The following PRKAR2A variants were observed in gnomAD, a reference collection of about 807,000 sequenced individuals.
PRKAR2A encodes the protein cAMP-dependent protein kinase type II-alpha regulatory subunit.
In PRKAR2A, 29 loss-of-function variants were observed where a neutral mutation model predicts 51.9. The observed-to-expected ratio is 0.56, with a 90% CI of 0.42 to 0.76. The LOEUF (loss-of-function observed/expected upper bound fraction) is 0.76, where lower values mean the gene tolerates loss of function less well. PRKAR2A is among the 30% of genes least tolerant of loss of function. PRKAR2A has a pLI of 0.00. For missense variants in PRKAR2A, 445 were observed against 512.1 expected (o/e 0.87, Z 1.26); for synonymous variants, 178 against 186.2 (o/e 0.96, Z 0.36).
intron 9 of PRKAR2A, among the ~76,000 whole-genome samples, chr3:48,754,241 C>CTT (rs1195616357): frequency 4.0e-5 from 5 of 125,186 alleles, no homozygotes; most frequent in African/African-American, 1.2e-4. Context: ...CTACTTTTTT[C>CTT]TTTTTTTTTT....
At chr3:48,826,435 C>T (rs1400528537) in intron 1 of PRKAR2A, among the ~76,000 whole-genome samples, 1 of 152,178 alleles carries the variant, frequency 6.6e-6, no homozygotes, top group African/African-American at 2.4e-5. Flanking sequence ...TGAACACAAA[C>T]TTCTGTCCCC....
At chr3:48,784,542 A>T (rs2082255830) in intron 4 of PRKAR2A, among the ~76,000 whole-genome samples, 1 of 152,204 alleles carries the variant, frequency 6.6e-6, no homozygotes, top group South Asian at 2.1e-4. Flanking sequence ...AAACACAGAC[A>T]TCTGTACCTA....
At position 48,790,116 on chromosome 3, in the gene PRKAR2A, T is replaced by C. The variant is rs550780628; in HGVS notation, c.435+428A>G. On this transcript the variant is annotated intron_variant, in intron 4 of 10. Coordinates refer to ENST00000265563, the MANE Select transcript of PRKAR2A (RefSeq NM_004157.4). ...TGAGTACTGCTATATGGTGACTAAG[T>C]GACTAATGGGCAGGTGGCATATATG... Among the ~76,000 whole-genome samples, 3 of 152,124 alleles carry C rather than the reference T, an allele frequency of 2.0e-5. No homozygotes were observed. In the East Asian group the frequency reaches 5.8e-4, roughly 29 times the overall value.
rs1052891600 is a variant in PRKAR2A at position 48,825,460 on chromosome 3, A to G, written c.263-17776T>C. On this transcript the variant is annotated intron_variant, in intron 1 of 10. Transcript: ENST00000265563. ...TTTCCTGCTACCTTTTGTTGAGTAC[A>G]GACCCTGGCACACATAGACATTAAA... 2.6e-5 allele frequency among the ~76,000 whole-genome samples: 4 copies of G among 152,148 alleles called. No homozygotes were observed. The East Asian group carries it at 7.7e-4, about 29-fold the overall frequency.
intron 1 of PRKAR2A, among the ~76,000 whole-genome samples, chr3:48,824,542 TAAGAAAGAAAGAAAGAAAGA>T (rs200913812): frequency 0.051 from 6,275 of 123,954 alleles, 203 homozygotes; most frequent in African/African-American, 0.076. Flanking sequence ...TCCAAAATCA[TAAGAAAGAAAGAAAGAAAGA>T]AAGAAAGAAA....
chr3:48,822,723 TG>T (rs1441552981), intron 1 of PRKAR2A, among the ~76,000 whole-genome samples: 5 of 151,098 alleles, frequency 3.3e-5, no homozygotes, highest in African/African-American at 9.7e-5. Flanking sequence ...CCCAGGATGT[TG>T]TTTTTTTTTT....
chr3:48,821,636 G>C (rs1316873384), intron 1 of PRKAR2A, among the ~76,000 whole-genome samples: 2 of 152,196 alleles, frequency 1.3e-5, no homozygotes, highest in South Asian at 2.1e-4. Flanking sequence ...ATGGAAACAG[G>C]ACCAGGCACA....
intron 1 of PRKAR2A, among the ~76,000 whole-genome samples, chr3:48,839,053 C>T (rs1440173188): frequency 2.6e-5 from 4 of 151,938 alleles, no homozygotes; most frequent in South Asian, 2.1e-4. Flanking sequence ...TTTGGGAGGC[C>T]GAGGCAGACA....
intron 9 of PRKAR2A, among the ~76,000 whole-genome samples, chr3:48,752,587 G>C (rs1237708803): frequency 6.6e-6 from 1 of 152,130 alleles, no homozygotes; most frequent in Non-Finnish European, 1.5e-5. Flanking sequence ...GCCCAATCTT[G>C]TCTAAATAAG....
At chr3:48,834,796 T>C (rs1389243347) in intron 1 of PRKAR2A, among the ~76,000 whole-genome samples, 2 of 148,680 alleles carry the variant, frequency 1.3e-5, no homozygotes, top group East Asian at 1.9e-4. Flanking sequence ...TCACTTATCA[T>C]ATAAGGAACG....
rs902826423 is a variant in PRKAR2A at position 48,751,513 on chromosome 3, T to C, written c.*72A>G. The C allele has an allele frequency of 8.0e-5, 128 of 1,593,958 alleles. 3 individuals carry two copies. The highest frequency in any genetic ancestry group is 1.0e-4 in the Non-Finnish European group (119 of 1,166,206). On this transcript the variant is annotated 3_prime_UTR_variant, in exon 11 of 11. Coordinates refer to ENST00000265563, the MANE Select transcript of PRKAR2A (RefSeq NM_004157.4). ...GCAGGAACAGTTCTGTCATGTCTGT[T>C]TTCTGTATGTGTTCTGTGGCTGACC... is the stretch of plus-strand genomic sequence containing the variant.
At chr3:48,801,461 G>A (rs1333854286) in intron 2 of PRKAR2A, among the ~76,000 whole-genome samples, 1 of 151,894 alleles carries the variant, frequency 6.6e-6, no homozygotes, top group Non-Finnish European at 1.5e-5. Context: ...CCAAATTTTT[G>A]TATTTTTAGT....
chr3:48,801,720 C>T (rs1156450679), intron 2 of PRKAR2A, among the ~76,000 whole-genome samples: 5 of 152,252 alleles, frequency 3.3e-5, no homozygotes, highest in East Asian at 1.9e-4. Flanking sequence ...GCCTCAGCCA[C>T]GCCCAGCTAA....
chr3:48,823,326 G>A (rs982023335), intron 1 of PRKAR2A, among the ~76,000 whole-genome samples: 1 of 151,894 alleles, frequency 6.6e-6, no homozygotes, highest in African/African-American at 2.4e-5. Context: ...GTGTCGGGGG[G>A]GTGCTGTCTT....
intron 8 of PRKAR2A, among the ~76,000 whole-genome samples, chr3:48,757,252 T>A (rs1156367184): frequency 3.3e-5 from 5 of 152,200 alleles, no homozygotes; most frequent in African/African-American, 1.2e-4. Flanking sequence ...GCTTGAGCCC[T>A]TTTTGTTTAG....
intron 1 of PRKAR2A, among the ~76,000 whole-genome samples, chr3:48,816,646 A>C (rs1350245292): frequency 6.6e-6 from 1 of 152,116 alleles, no homozygotes; most frequent in Non-Finnish European, 1.5e-5. Context: ...CAAAAAAAAG[A>C]AAAAATTTAC....
chr3:48,829,847 G>A (rs867826754), intron 1 of PRKAR2A, among the ~76,000 whole-genome samples: 2 of 63,754 alleles, frequency 3.1e-5, no homozygotes, highest in African/African-American at 6.5e-5. Context: ...ATGCGTGTGT[G>A]TATATATATA....
At chr3:48,844,098 G>A (rs1366924298) in intron 1 of PRKAR2A, among the ~76,000 whole-genome samples, 2 of 151,842 alleles carry the variant, frequency 1.3e-5, no homozygotes, top group Non-Finnish European at 2.9e-5. Flanking sequence ...CTGACAAAGG[G>A]CGAATATCCA....
At chr3:48,800,435 C>A (rs2082569407) in intron 2 of PRKAR2A, among the ~76,000 whole-genome samples, 1 of 150,976 alleles carries the variant, frequency 6.6e-6, no homozygotes, top group Non-Finnish European at 1.5e-5. Flanking sequence ...ATCGCTTGAA[C>A]CCAGGAGGTG....
Sources: allele counts gnomAD v4.1 joint callset (sites outside exome capture counted in the v4.1 genomes callset), GRCh38; gene constraint gnomAD v4.1.1; transcripts MANE v1.5; gene names NCBI Gene and HGNC (gene_info 2026-07-23, HGNC 2026-07-21).